Variants in GRM5 observed in about 807,000 individuals in gnomAD.
GRM5 encodes the protein glutamate metabotropic receptor 5.
A neutral mutation model predicts 83.1 loss-of-function variants in GRM5; 19 were observed. The ratio of observed to expected loss-of-function variants is 0.23; its 90% CI spans 0.16 to 0.34. The LOEUF is 0.34. Ranked by LOEUF, GRM5 falls within the 10% of genes least tolerant of loss-of-function variation. The pLI, the probability that GRM5 is intolerant of heterozygous loss-of-function variation, is 1.00. For missense variants in GRM5, 1,160 were observed against 1,588.3 expected, an observed-to-expected ratio of 0.73 and a Z score of 4.58; for synonymous variants, 675 against 633.6, an observed-to-expected ratio of 1.07 and a Z score of -0.98.
chr11:88,691,676 G>A (rs1203098784), intron 3 of GRM5, among the ~76,000 whole-genome samples: 1 of 152,102 alleles, frequency 6.6e-6, no homozygotes, highest in Non-Finnish European at 1.5e-5. Context: ...ATCCACTCAT[G>A]TATTTAAGCT....
intron 3 of GRM5, among the ~76,000 whole-genome samples, chr11:88,673,929 C>G (rs1387558285): frequency 1.3e-5 from 2 of 150,758 alleles, no homozygotes; most frequent in African/African-American, 4.9e-5. Flanking sequence ...AGTATAATTA[C>G]CAAGCATTTC....
At chr11:88,624,373 G>T (rs1204697202) in intron 4 of GRM5, among the ~76,000 whole-genome samples, 1 of 152,120 alleles carries the variant, frequency 6.6e-6, no homozygotes, top group Non-Finnish European at 1.5e-5. Flanking sequence ...TCCTTTTCTT[G>T]TCTGCTGAAT....
chr11:89,062,232 T>C (rs2135174605), intron 1 of GRM5, among the ~76,000 whole-genome samples: 1 of 152,262 alleles, frequency 6.6e-6, no homozygotes, highest in South Asian at 2.1e-4. Context: ...AGGAGGAAAC[T>C]CCCTGCACTC....
Position 88,900,362 on chromosome 11 carries a change from G to C in GRM5, c.662-50207C>G, listed in dbSNP as rs140300241. On this transcript the variant is annotated intron_variant, in intron 2 of 9. Transcript: ENST00000305447. ...TGTGAAATCACTGAACACAGATTTG[G>C]GAAGAGATGGACACAACTCTTGAAA... is the stretch of plus-strand genomic sequence containing the variant. Among the ~76,000 whole-genome samples, 314 of 152,214 alleles carry C rather than the reference G, an allele frequency of 2.1e-3. 11 individuals carry two copies. In the East Asian group the frequency reaches 0.053, roughly 26 times the overall value.
At chr11:88,524,985 A>G (rs1392097152) in intron 9 of GRM5, among the ~76,000 whole-genome samples, 1 of 152,148 alleles carries the variant, frequency 6.6e-6, no homozygotes, top group Admixed American at 6.5e-5. Context: ...GTTTCCTCCA[A>G]TCTCTTCCAC....
intron 2 of GRM5, among the ~76,000 whole-genome samples, chr11:88,984,093 A>G (rs2135029077): frequency 6.6e-6 from 1 of 152,266 alleles, no homozygotes. Context: ...TAAGTTTATT[A>G]TTGTAAAAAG....
Position 88,873,187 on chromosome 11 carries a change from A to G in GRM5, c.662-23032T>C, listed in dbSNP as rs1944798186. 2.0e-5 allele frequency among the ~76,000 whole-genome samples: 3 copies of G among 151,690 alleles called. No homozygotes were observed. The South Asian group carries it at 6.2e-4, about 31-fold the overall frequency. On this transcript the variant is annotated intron_variant, in intron 2 of 9. Transcript: ENST00000305447. Reference sequence around the variant, plus strand: ...AAATATAAATATACATGCACTCAACATAGGAGTGCCTAAATATATAAAGAA... The same window carrying G: ...AAATATAAATATACATGCACTCAACGTAGGAGTGCCTAAATATATAAAGAA...
intron 2 of GRM5, among the ~76,000 whole-genome samples, chr11:89,028,169 G>A (rs1941175348): frequency 6.6e-6 from 1 of 152,140 alleles, no homozygotes; most frequent in Non-Finnish European, 1.5e-5. Flanking sequence ...AGTCTGGTAT[G>A]GCAGCACAAA....
chr11:88,517,807 T>C (rs1167000462), intron 9 of GRM5, among the ~76,000 whole-genome samples: 1 of 152,116 alleles, frequency 6.6e-6, no homozygotes, highest in Non-Finnish European at 1.5e-5. Flanking sequence ...TTACAGAAAA[T>C]TACAAGCTAG....
chr11:88,508,823 A>G lies in GRM5; in HGVS notation c.3408T>C (p.Ala1136=), dbSNP rs1373648706. 3 of 1,532,698 alleles carry G rather than the reference A, an allele frequency of 2.0e-6. No homozygotes were observed. The highest frequency in any genetic ancestry group is 2.6e-6 in the Non-Finnish European group (3 of 1,140,224). The allele number at this position is 1,532,698 out of a possible 1,614,324, so 94.9% of individuals were successfully genotyped here. Residue 1136 remains alanine, a synonymous_variant, in exon 10 of 10, where the codon GCT becomes GCC. Coordinates refer to ENST00000305447, the MANE Select transcript of GRM5 (RefSeq NM_001143831.3). This position sits in a 1 kb window ranked among gnomAD's most constrained non-coding sequence, Gnocchi z 4.2. ...CGGGGCTCTCCCGGGCCGCGTCCCC[A>G]GCCGCCTGCGCCCCTGCCGCGGGCT... ...GAQPAAGAQA[A]GDAARESPAA... is the part of the protein sequence containing the mutation.
At chr11:88,528,886 CAT>C (rs376981274) in intron 8 of GRM5, among the ~76,000 whole-genome samples, 77 of 152,188 alleles carry the variant, frequency 5.1e-4, no homozygotes, top group African/African-American at 1.8e-3. Context: ...AGCCCAACCT[CAT>C]GTGGTTTATG....
intron 3 of GRM5, among the ~76,000 whole-genome samples, chr11:88,771,849 G>C (rs1364295891): frequency 2.6e-5 from 4 of 152,048 alleles, no homozygotes; most frequent in Non-Finnish European, 5.9e-5. Context: ...ATACAGAAAA[G>C]TTTCATCTCC....
chr11:88,960,362 C>CAA (rs1010976355), intron 2 of GRM5, among the ~76,000 whole-genome samples: 1 of 146,462 alleles, frequency 6.8e-6, no homozygotes, highest in Admixed American at 6.8e-5. Flanking sequence ...GTCATCCTCA[C>CAA]AAAAAAAAAA....
At chr11:88,659,651 A>T (rs1939853610) in intron 3 of GRM5, among the ~76,000 whole-genome samples, 1 of 152,226 alleles carries the variant, frequency 6.6e-6, no homozygotes, top group African/African-American at 2.4e-5. Context: ...AGTTATAGTT[A>T]TAAAATAATT....
At chr11:88,864,036 G>A (rs2135553935) in intron 2 of GRM5, among the ~76,000 whole-genome samples, 1 of 150,160 alleles carries the variant, frequency 6.7e-6, no homozygotes, top group African/African-American at 2.5e-5. Context: ...TTTCTGTTTT[G>A]CTGTACTAGG....
intron 2 of GRM5, among the ~76,000 whole-genome samples, chr11:88,940,264 T>A (rs1196574604): frequency 6.6e-6 from 1 of 151,426 alleles, no homozygotes; most frequent in Non-Finnish European, 1.5e-5. Flanking sequence ...GGCCCATTTT[T>A]TTCCTGATTT....
intron 9 of GRM5, among the ~76,000 whole-genome samples, chr11:88,517,009 A>G (rs916993247): frequency 6.6e-6 from 1 of 152,078 alleles, no homozygotes; most frequent in Non-Finnish European, 1.5e-5. Flanking sequence ...TTTCCAGATT[A>G]AGATATTTCC....
At chr11:88,590,776 C>T in intron 6 of GRM5, 49 bp from the exon 7 acceptor site, 1 of 1,483,878 alleles carries the variant, frequency 6.7e-7, no homozygotes, top group Non-Finnish European at 9.4e-7. Flanking sequence ...AGATAAAAAT[C>T]CAACAATTCT....
intron 8 of GRM5, among the ~76,000 whole-genome samples, chr11:88,550,877 C>A (rs1591341177): frequency 6.6e-6 from 1 of 152,152 alleles, no homozygotes; most frequent in South Asian, 2.1e-4. Flanking sequence ...AGCTAATGGA[C>A]TCTAGAGACA....
Sources: allele counts gnomAD v4.1 joint callset (sites outside exome capture counted in the v4.1 genomes callset), GRCh38; gene constraint gnomAD v4.1.1; non-coding constraint Gnocchi (gnomAD v3.1); transcripts MANE v1.5; gene names NCBI Gene and HGNC (gene_info 2026-07-23, HGNC 2026-07-21).